Variants in KCNC2 observed in about 807,000 individuals in gnomAD.
KCNC2 encodes voltage-gated potassium channel KCNC2.
In KCNC2, 21 loss-of-function variants were observed where a neutral mutation model predicts 44.5. The ratio of observed to expected loss-of-function variants is 0.47; its 90% CI spans 0.33 to 0.68. The LOEUF is 0.68. KCNC2 is among the 30% of genes least tolerant of loss of function. KCNC2 has a pLI of 0.01. For missense variants in KCNC2, 589 were observed against 826.2 expected (o/e 0.71, Z 3.52); for synonymous variants, 391 against 339.1 (o/e 1.15, Z -1.68).
intron 2 of KCNC2, among the ~76,000 whole-genome samples, chr12:75,181,919 T>TA: frequency 3.4e-5 from 1 of 29,356 alleles, no homozygotes. Context: ...TATCTTCCTT[T>TA]TTTTTTTTTT....
chr12:75,186,162 G>C (rs1418977041), intron 2 of KCNC2, among the ~76,000 whole-genome samples: 1 of 151,788 alleles, frequency 6.6e-6, no homozygotes, highest in African/African-American at 2.4e-5. Flanking sequence ...ATACAAAAGA[G>C]TCTACAAATC....
chr12:75,086,569 T>C (rs1039060205), intron 2 of KCNC2, among the ~76,000 whole-genome samples: 5 of 150,766 alleles, frequency 3.3e-5, no homozygotes, highest in Admixed American at 6.7e-5. Context: ...ACACGCTCCA[T>C]GAGTCAGCAC....
intron 2 of KCNC2, among the ~76,000 whole-genome samples, chr12:75,108,731 T>C (rs570753277): frequency 6.6e-6 from 1 of 152,292 alleles, no homozygotes; most frequent in Non-Finnish European, 1.5e-5. Context: ...TAGGAAAATA[T>C]GTTTTCATGA....
intron 2 of KCNC2, among the ~76,000 whole-genome samples, chr12:75,162,900 C>T (rs574972011): frequency 9.9e-5 from 15 of 151,812 alleles, no homozygotes; most frequent in Admixed American, 2.6e-4. Flanking sequence ...TCTTAGACCA[C>T]GACCTGCTTC....
intron 2 of KCNC2, among the ~76,000 whole-genome samples, chr12:75,178,786 A>G (rs1338260477): frequency 6.6e-6 from 1 of 152,104 alleles, no homozygotes; most frequent in Non-Finnish European, 1.5e-5. Flanking sequence ...AGAAAAATCC[A>G]TGCTTGCCAG....
chr12:75,158,956 G>T (rs1402677286), intron 2 of KCNC2, among the ~76,000 whole-genome samples: 7 of 151,874 alleles, frequency 4.6e-5, no homozygotes, highest in African/African-American at 1.7e-4. Context: ...GAAGTGTGGG[G>T]TAAATATAAG....
At chr12:75,095,193 C>G (rs2137150629) in intron 2 of KCNC2, among the ~76,000 whole-genome samples, 1 of 151,934 alleles carries the variant, frequency 6.6e-6, no homozygotes, top group South Asian at 2.1e-4. Context: ...TAAAATTACA[C>G]CACCATGCTA....
chr12:75,129,573 A>G (rs1364416378), intron 2 of KCNC2, among the ~76,000 whole-genome samples: 1 of 152,158 alleles, frequency 6.6e-6, no homozygotes, highest in African/African-American at 2.4e-5. Flanking sequence ...TGCATACCAC[A>G]ATACTTGGCA....
rs1391585581 is a variant in KCNC2 at position 75,207,865 on chromosome 12, G to A, written c.119C>T (p.Ser40Phe). Residue 40 changes from serine to phenylalanine, a missense_variant, in exon 2 of 5, where the codon TCC becomes TTC. This residue lies in a region of KCNC2 where 148 missense variants were observed against 140.1 expected (regional missense o/e 1.06). Transcript: ENST00000549446. The surrounding 1 kb of genome is among the most constrained non-coding windows in gnomAD (Gnocchi z 4.1). Reference protein sequence around the residue: ...PGTRLALLASSEPPGDCLTTA... With the variant: ...PGTRLALLASFEPPGDCLTTA... ...GGTCAAGCAGTCGCCTGGGGGCTCG[G>A]AGGAGGCAAGAAGGGCCAGGCGTGT... 1 of 1,612,300 alleles carries A rather than the reference G, an allele frequency of 6.2e-7. No individual in the cohort carries two copies. Among genetic ancestry groups the A allele is most frequent in the East Asian group, 2.2e-5 (1 of 44,738 alleles).
intron 2 of KCNC2, among the ~76,000 whole-genome samples, chr12:75,054,245 CA>C (rs1881500002): frequency 6.7e-6 from 1 of 148,174 alleles, no homozygotes; most frequent in Non-Finnish European, 1.5e-5. Flanking sequence ...AAAAAAAAAA[CA>C]GCCAGAGAGG....
At chr12:75,147,265 TA>T (rs577396541) in intron 2 of KCNC2, among the ~76,000 whole-genome samples, 4 of 152,142 alleles carry the variant, frequency 2.6e-5, no homozygotes, top group Non-Finnish European at 5.9e-5. Flanking sequence ...TTATACATTA[TA>T]AAAAATGACC....
At chr12:75,152,142 A>G in intron 2 of KCNC2, among the ~76,000 whole-genome samples, 1 of 150,722 alleles carries the variant, frequency 6.6e-6, no homozygotes, top group East Asian at 1.9e-4. Context: ...ATGCTGTTCA[A>G]AGAAATACAG....
intron 2 of KCNC2, among the ~76,000 whole-genome samples, chr12:75,195,664 G>A (rs1440662259): frequency 1.3e-5 from 2 of 152,062 alleles, no homozygotes; most frequent in Non-Finnish European, 2.9e-5. Flanking sequence ...CCTACCACCT[G>A]TGTTACTTCA....
chr12:75,153,995 A>G (rs1252529494), intron 2 of KCNC2, among the ~76,000 whole-genome samples: 1 of 151,966 alleles, frequency 6.6e-6, no homozygotes, highest in East Asian at 1.9e-4. Context: ...TATTGAAAAA[A>G]AACTATGTAT....
intron 2 of KCNC2, among the ~76,000 whole-genome samples, chr12:75,127,215 C>T (rs1237412395): frequency 2.0e-5 from 3 of 152,030 alleles, no homozygotes; most frequent in African/African-American, 4.8e-5. Context: ...AGTTACATGA[C>T]GGTGCTAGTT....
intron 2 of KCNC2, among the ~76,000 whole-genome samples, chr12:75,164,265 A>G (rs1021751876): frequency 4.1e-4 from 62 of 151,744 alleles, no homozygotes; most frequent in African/African-American, 1.5e-3. Flanking sequence ...GGCTTTGCCC[A>G]TGTTCACTCT....
chr12:75,043,843 A>AT, intron 4 of KCNC2: 1 of 1,212,448 alleles, frequency 8.2e-7, no homozygotes, highest in East Asian at 2.6e-5. Flanking sequence ...GGAAAAAAAA[A>AT]GAAAATGAAT....
chr12:75,069,955 T>C (rs1286570634), intron 2 of KCNC2, among the ~76,000 whole-genome samples: 1 of 152,054 alleles, frequency 6.6e-6, no homozygotes, highest in African/African-American at 2.4e-5. Flanking sequence ...AGAAACCAAT[T>C]AACAGGATCG....
At chr12:75,190,531 C>T (rs183523270) in intron 2 of KCNC2, among the ~76,000 whole-genome samples, 180 of 152,254 alleles carry the variant, frequency 1.2e-3, no homozygotes, top group African/African-American at 4.1e-3. Context: ...TGTTTGCCTA[C>T]ACTTTATTAT....
Sources: gnomAD v4.1 joint callset for allele counts (sites outside exome capture counted in the v4.1 genomes callset) on GRCh38, gnomAD v4.1.1 for gene constraint, gnomAD v4.1.1 regional missense constraint, Gnocchi (gnomAD v3.1) non-coding constraint, MANE v1.5 for transcripts, NCBI Gene and HGNC (gene_info 2026-07-23, HGNC 2026-07-21) for gene names.